Variants in LCTL observed in about 807,000 individuals in gnomAD.
LCTL encodes the protein lactase-like protein.
Under a neutral mutation model 75.8 loss-of-function variants are expected in LCTL, and 76 were observed. The ratio of observed to expected loss-of-function variants is 1.00; its 90% CI spans 0.83 to 1.21. LCTL has a LOEUF of 1.21. Ranked by LOEUF, LCTL falls within the 50% of genes most tolerant of loss-of-function variation. The pLI, the probability that LCTL is intolerant of heterozygous loss-of-function variation, is 0.00. For synonymous variants in LCTL, 271 were observed against 268.8 expected, an observed-to-expected ratio of 1.01 and a Z score of -0.08; for missense variants, 670 against 712.4, an observed-to-expected ratio of 0.94 and a Z score of 0.68.
chr15:66,565,034 C>A (rs1483364664), intron 1 of LCTL, among the ~76,000 whole-genome samples, 195 bp from the exon 3 acceptor site: 1 of 152,122 alleles, frequency 6.6e-6, no homozygotes, highest in Admixed American at 6.5e-5. Flanking sequence ...ACATTTTTTG[C>A]ACAATTTTAG....
At chr15:66,560,720 C>A (rs1043259231) in intron 6 of LCTL, among the ~76,000 whole-genome samples, 2 of 152,182 alleles carry the variant, frequency 1.3e-5, no homozygotes, top group Non-Finnish European at 2.9e-5. Context: ...TGTCACACCC[C>A]TTCTTCCTCC....
chr15:66,553,815 C>A (rs1895677926), intron 8 of LCTL, among the ~76,000 whole-genome samples: 1 of 151,332 alleles, frequency 6.6e-6, no homozygotes, highest in African/African-American at 2.4e-5. Context: ...GTGTAGCCAT[C>A]TGGAGAAAAA....
exon 7 of LCTL, chr15:66,557,990 T>C (rs1245983931): frequency 6.2e-7 from 1 of 1,607,912 alleles, no homozygotes; most frequent in East Asian, 2.2e-5. Flanking sequence ...ACCTTGCTGC[T>C]TGCTGCGCCA....
At chr15:66,563,850 G>A in intron 3 of LCTL, 61 bp downstream of exon 4, 1 of 1,365,610 alleles carries the variant, frequency 7.3e-7, no homozygotes, top group Non-Finnish European at 1.0e-6. Flanking sequence ...TGGTGCCCCT[G>A]CAAAGCCAAC....
At chr15:66,561,359 G>A in intron 4 of LCTL, 44 bp from the exon 6 acceptor site, 2 of 1,612,584 alleles carry the variant, frequency 1.2e-6, no homozygotes, top group Non-Finnish European at 1.7e-6. Context: ...GAACCGCAAA[G>A]CGGTTTAAAT....
At chr15:66,548,328 A>T in exon 13 of LCTL, 2 of 413,114 alleles carry the variant, frequency 4.8e-6, no homozygotes, top group East Asian at 3.4e-5. Context: ...GCTTATTTTT[A>T]TTTTCTAATT....
At chr15:66,563,393 T>C in intron 4 of LCTL, 123 bp downstream of exon 5, 1 of 603,382 alleles carries the variant, frequency 1.7e-6, no homozygotes, top group Non-Finnish European at 3.0e-6. Context: ...TCGCATCTTA[T>C]AGTCCTGCGC....
chr15:66,565,093 A>T (rs1037434308), intron 1 of LCTL, among the ~76,000 whole-genome samples, 155 bp downstream of exon 2: 1 of 149,470 alleles, frequency 6.7e-6, no homozygotes, highest in South Asian at 2.1e-4. Context: ...CTTCAAAAAA[A>T]AAATATCTGT....
intron 6 of LCTL, among the ~76,000 whole-genome samples, chr15:66,558,603 A>T (rs1895796861): frequency 6.6e-6 from 1 of 151,940 alleles, no homozygotes; most frequent in Non-Finnish European, 1.5e-5. Context: ...AGACATGCAA[A>T]TCCATGGGCC....
chr15:66,563,410 C>T, intron 4 of LCTL, 106 bp downstream of exon 5: 1 of 666,432 alleles, frequency 1.5e-6, no homozygotes, highest in Admixed American at 2.5e-5. Flanking sequence ...GCGCCAGAAT[C>T]CAGACCCTAG....
intron 4 of LCTL, among the ~76,000 whole-genome samples, chr15:66,562,257 G>A (rs904059078): frequency 2.0e-5 from 3 of 152,060 alleles, no homozygotes; most frequent in African/African-American, 7.2e-5. Flanking sequence ...ACAAAAATTA[G>A]CCGGGCGTGG....
In LCTL at chr15:66,564,677, TGGACCTTGTA is replaced by T. The variant is rs1225394245; in HGVS notation, c.271_280del (p.Tyr91ArgfsTer7). On this transcript the variant is annotated frameshift_variant and splice_region_variant, in exon 2 of 13. Coordinates refer to ENST00000341509, the Ensembl canonical transcript of LCTL. LOFTEE classifies it high-confidence loss of function. ...CACACACTCACACCCCGCACTCACCTGGACCTTGTAGTAGCCGTCACAGGCTACATCTGCC... is the reference window on the plus strand; with the variant it reads ...CACACACTCACACCCCGCACTCACCTGTAGCCGTCACAGGCTACATCTGCC... 1 of 1,611,712 alleles carries T rather than the reference TGGACCTTGTA, an allele frequency of 6.2e-7. No homozygotes were observed. Among genetic ancestry groups the T allele is most frequent in the Admixed American group, 1.7e-5 (1 of 59,994 alleles).
rs113214411 is a variant in LCTL, at chr15:66,556,595, G to A, written c.922+1127C>T. Among the ~76,000 whole-genome samples, 1,315 of 152,260 alleles carry A rather than the reference G, an allele frequency of 8.6e-3. 25 individuals carry two copies. Among genetic ancestry groups the A allele is most frequent in the African/African-American group, 0.029 (1,214 of 41,544 alleles). The stretch of plus-strand genomic sequence containing the variant: ...GCTGGGATTACAGGCTTGAGCCACC[G>A]TGCCCGGCTGACAATGGAATATTAT... On this transcript the variant is annotated intron_variant, in intron 8 of 12. Transcript: ENST00000341509.
chr15:66,553,738 G>C (rs1371908743), intron 8 of LCTL, among the ~76,000 whole-genome samples: 9 of 146,582 alleles, frequency 6.1e-5, no homozygotes, highest in Non-Finnish European at 1.2e-4. Context: ...CTGGGTGACA[G>C]AGCGAGACTC....
At chr15:66,554,560 G>T (rs1895698438) in intron 8 of LCTL, among the ~76,000 whole-genome samples, 1 of 152,226 alleles carries the variant, frequency 6.6e-6, no homozygotes, top group Non-Finnish European at 1.5e-5. Context: ...TTTCAAAGTT[G>T]TAAAAGCATA....
At chr15:66,547,792 T>C (rs1895434772) in exon 13 of LCTL, 1 of 152,190 alleles carries the variant, frequency 6.6e-6, no homozygotes, top group African/African-American at 2.4e-5. Flanking sequence ...AGATTTCTTT[T>C]CTTTTCTCTT....
chr15:66,563,719 T>C (rs1895951930), intron 3 of LCTL, 94 bp from the exon 5 acceptor site: 2 of 1,010,502 alleles, frequency 2.0e-6, no homozygotes, highest in Non-Finnish European at 3.0e-6. Flanking sequence ...TGTTGCTTTT[T>C]GAAGGCCTGA....
Position 66,564,694 on chromosome 15 carries a change from G to A in LCTL, c.264C>T (p.Asp88=), listed in dbSNP as rs544840401. ...CACTCACCTGGACCTTGTAGTAGCCGTCACAGGCTACATCTGCCGTCTCAT... is the reference window on the plus strand; with the variant it reads ...CACTCACCTGGACCTTGTAGTAGCCATCACAGGCTACATCTGCCGTCTCAT... The change falls in exon 2 of 13, where the codon GAC becomes GAT. Residue 88 remains aspartate, a synonymous_variant. Transcript: ENST00000341509. 6.3e-5 allele frequency: 101 copies of A among 1,612,660 alleles called. No individual in the cohort carries two copies. In the South Asian group the frequency reaches 7.8e-4, roughly 12 times the overall value.
At chr15:66,563,181 G>A (rs1253620887) in intron 4 of LCTL, among the ~76,000 whole-genome samples, 5 of 152,116 alleles carry the variant, frequency 3.3e-5, no homozygotes, top group African/African-American at 4.8e-5. Flanking sequence ...AGAGGGACAC[G>A]GCATTCAAGG....
Sources: gnomAD v4.1 joint callset for allele counts (sites outside exome capture counted in the v4.1 genomes callset) on GRCh38, gnomAD v4.1.1 for gene constraint, MANE v1.5 for transcripts, NCBI Gene and HGNC (gene_info 2026-07-23, HGNC 2026-07-21) for gene names.